Variants in FOLH1 observed in about 807,000 individuals in gnomAD.
The protein encoded by FOLH1 is glutamate carboxypeptidase 2.
Under a neutral mutation model 93.9 loss-of-function variants are expected in FOLH1, and 54 were observed. The ratio of observed to expected loss-of-function variants is 0.57; its 90% CI spans 0.46 to 0.72. The LOEUF (loss-of-function observed/expected upper bound fraction) is 0.72, where lower values mean the gene tolerates loss of function less well. Among genes scored for constraint, FOLH1 ranks in the 30% least tolerant of loss-of-function variants. The pLI is 0.00. For synonymous variants in FOLH1, 249 were observed against 303.6 expected, an observed-to-expected ratio of 0.82 and a Z score of 1.87; for missense variants, 571 against 892.5, an observed-to-expected ratio of 0.64 and a Z score of 4.59.
chr11:49,199,098 A>C (rs557313748), intron 3 of FOLH1, among the ~76,000 whole-genome samples: 35 of 152,162 alleles, frequency 2.3e-4, no homozygotes, highest in Non-Finnish European at 1.9e-4. Context: ...TTGACCTACT[A>C]TGAAAAAAAA....
intron 10 of FOLH1, among the ~76,000 whole-genome samples, chr11:49,172,777 A>G (rs1346201445): frequency 1.3e-5 from 2 of 152,216 alleles, no homozygotes; most frequent in Non-Finnish European, 2.9e-5. Context: ...ACTAAATTTT[A>G]CTTTGGCTTT....
chr11:49,150,004 G>A (rs1856304696), intron 17 of FOLH1, among the ~76,000 whole-genome samples: 4 of 152,138 alleles, frequency 2.6e-5, no homozygotes, highest in Admixed American at 2.6e-4. Flanking sequence ...TGCGCAGGCT[G>A]GAGTGCAGTG....
intron 5 of FOLH1, chr11:49,186,120 TATA>T (rs1565190549): frequency 2.0e-6 from 1 of 507,790 alleles, no homozygotes; most frequent in East Asian, 5.3e-5. Context: ...AGCTTACAAA[TATA>T]ATAAGCAAGT....
At chr11:49,206,032 A>G (rs1297337139) in intron 2 of FOLH1, 35 bp downstream of exon 2, 2 of 1,583,892 alleles carry the variant, frequency 1.3e-6, no homozygotes, top group African/African-American at 1.4e-5. Context: ...TTTTTCTAAC[A>G]ACTTGTCCAT....
intron 18 of FOLH1, among the ~76,000 whole-genome samples, chr11:49,147,995 C>T (rs1207445530): frequency 6.6e-6 from 1 of 151,944 alleles, no homozygotes; most frequent in Non-Finnish European, 1.5e-5. Context: ...TCCAGTCAAC[C>T]TGCTTGGAAG....
chr11:49,146,759 G>C lies in FOLH1; in HGVS notation c.2250C>G (p.Ala750=), dbSNP rs766640846. The change falls in exon 19 of 19, where the codon GCC becomes GCG. Residue 750 remains alanine, a synonymous_variant. Coordinates refer to ENST00000256999, the MANE Select transcript of FOLH1 (RefSeq NM_004476.3). ...ACGGATTCTCTAAAGAATCCTCTTAGGCTACTTCACTCAAAGTCTCTGCAG... is the reference window on the plus strand; with the variant it reads ...ACGGATTCTCTAAAGAATCCTCTTACGCTACTTCACTCAAAGTCTCTGCAG... The part of the protein sequence containing the change: ...QAAAETLSEV[A] The C allele has an allele frequency of 6.2e-7, 1 of 1,608,406 alleles. No individual in the cohort carries two copies. Among genetic ancestry groups the C allele is most frequent in the South Asian group, 1.1e-5 (1 of 90,306 alleles).
intron 17 of FOLH1, among the ~76,000 whole-genome samples, chr11:49,150,838 C>T (rs1856430176): frequency 6.6e-6 from 1 of 152,150 alleles, no homozygotes. Context: ...TGAGAAAAAT[C>T]ATTACAATAA....
intron 4 of FOLH1, among the ~76,000 whole-genome samples, chr11:49,190,710 A>G (rs1861935651): frequency 6.6e-6 from 1 of 152,214 alleles, no homozygotes; most frequent in Non-Finnish European, 1.5e-5. Flanking sequence ...TAGATAGACT[A>G]TATTTTATGA....
intron 10 of FOLH1, among the ~76,000 whole-genome samples, chr11:49,172,629 T>A (rs1191619014): frequency 6.6e-6 from 1 of 152,136 alleles, no homozygotes; most frequent in Non-Finnish European, 1.5e-5. Context: ...GCAAACAACA[T>A]ACATTATTGT....
intron 12 of FOLH1, among the ~76,000 whole-genome samples, chr11:49,168,957 G>GAAAGA (rs565966599): frequency 2.0e-5 from 3 of 151,924 alleles, no homozygotes; most frequent in Non-Finnish European, 4.4e-5. Flanking sequence ...AGTAAGAAAA[G>GAAAGA]AAAGAAAAGA....
At chr11:49,202,232 C>T (rs1474776961) in intron 2 of FOLH1, among the ~76,000 whole-genome samples, 1 of 152,116 alleles carries the variant, frequency 6.6e-6, no homozygotes, top group Non-Finnish European at 1.5e-5. Context: ...TGATTTTAAT[C>T]ATTTGAGATG....
chr11:49,200,175 T>C (rs1863113727), intron 3 of FOLH1, 80 bp downstream of exon 3: 2 of 1,212,628 alleles, frequency 1.6e-6, no homozygotes, highest in East Asian at 5.2e-5. Flanking sequence ...AGAGATGGGA[T>C]AGAACATTAT....
chr11:49,157,879 T>C, intron 14 of FOLH1, 73 bp downstream of exon 14: 3 of 1,366,452 alleles, frequency 2.2e-6, no homozygotes, highest in Non-Finnish European at 3.0e-6. Flanking sequence ...ACTTAATGAT[T>C]GAAAGAAAAT....
rs200752252 is a variant in FOLH1, at chr11:49,178,231, T to C, written c.921-2274A>G. On this transcript the variant is annotated intron_variant, in intron 7 of 18. Transcript: ENST00000256999. ...CACTACCTCTTCACCAGCTCATCTATAAAACCCTCTGCATTTTGCAGTGGA... is the reference window on the plus strand; with the variant it reads ...CACTACCTCTTCACCAGCTCATCTACAAAACCCTCTGCATTTTGCAGTGGA... Among the ~76,000 whole-genome samples the C allele has an allele frequency of 2.6e-5, 4 of 152,308 alleles. No homozygotes were observed. The East Asian group carries it at 7.7e-4, about 29-fold the overall frequency.
At chr11:49,207,103 A>C (rs1340691736) in intron 1 of FOLH1, among the ~76,000 whole-genome samples, 2 of 152,196 alleles carry the variant, frequency 1.3e-5, no homozygotes, top group Admixed American at 6.5e-5. Context: ...TAAAACAGAA[A>C]GACTTGGATT....
intron 13 of FOLH1, among the ~76,000 whole-genome samples, chr11:49,159,118 T>G (rs962723560): frequency 1.3e-5 from 2 of 152,196 alleles, no homozygotes; most frequent in African/African-American, 4.8e-5. Context: ...TGAATGAGCT[T>G]TATTTTTTTA....
rs137991256 is a variant in FOLH1 at position 49,153,923 on chromosome 11, T to C, written c.1893A>G (p.Ser631=). Residue 631 remains serine (S), a synonymous_variant, in exon 17 of 19, where the codon TCA becomes TCG. Transcript: ENST00000256999. ...TAAAATTCTTTACTGCAGAAAAAAG[T>C]GAATCTGAAATAGAAATTGGGATCA... ...EMKTYSVSFD[S]LFSAVKNFTE... 9.3e-3 allele frequency: 14,954 copies of C among 1,601,822 alleles called. 113 individuals carry two copies. The highest frequency in any genetic ancestry group is 0.01 in the Middle Eastern group (62 of 5,980).
chr11:49,163,202 G>A (rs1229685784), intron 13 of FOLH1, among the ~76,000 whole-genome samples: 2 of 152,258 alleles, frequency 1.3e-5, no homozygotes. Context: ...AGCAAAGATG[G>A]TGGTTTGCCC....
In FOLH1 at chr11:49,192,837, T is replaced by C. The variant is rs781246950; in HGVS notation, c.469A>G (p.Ile157Val). 1 of 1,608,232 alleles carries C rather than the reference T, an allele frequency of 6.2e-7. No individual in the cohort carries two copies. The highest frequency in any genetic ancestry group is 8.5e-7 in the Non-Finnish European group (1 of 1,176,756). The change falls in exon 4 of 19, where the codon ATT (isoleucine) becomes GTT (valine). Residue 157 changes from isoleucine to valine, a missense_variant. Transcript: ENST00000256999. ...PPPGYENVSD[I>V]VPPFSAFSPQ... ...GAGAAAGCACTGAAAGGTGGTACAA[T>C]ATCCGAAACATTTTCATATCCTGGA...
Sources: allele counts gnomAD v4.1 joint callset (sites outside exome capture counted in the v4.1 genomes callset), GRCh38; gene constraint gnomAD v4.1.1; transcripts MANE v1.5; gene names NCBI Gene and HGNC (gene_info 2026-07-23, HGNC 2026-07-21).